The following SRGAP3 variants were observed in gnomAD, a reference collection of about 807,000 sequenced individuals.
SRGAP3 encodes the protein SLIT-ROBO Rho GTPase activating protein 3.
SRGAP3 carries 39 observed loss-of-function variants against 121.1 expected under a neutral mutation model. The observed-to-expected ratio is 0.32, with a 90% CI of 0.25 to 0.42. SRGAP3 has a LOEUF of 0.42. Among genes scored for constraint, SRGAP3 ranks in the 10% least tolerant of loss-of-function variants. The probability of loss-of-function intolerance (pLI) is 1.00; values close to 1 mark genes in which losing one functional copy is unlikely to be tolerated. For synonymous variants in SRGAP3, 601 were observed against 570.0 expected (o/e 1.05, Z -0.77); for missense variants, 1,213 against 1,470.6 (o/e 0.82, Z 2.86).
chr3:9,162,586 T>C (rs954222590), intron 1 of SRGAP3, among the ~76,000 whole-genome samples: 2 of 152,160 alleles, frequency 1.3e-5, no homozygotes, highest in African/African-American at 2.4e-5. Context: ...CCCCGCCAGA[T>C]AAACCACAGT....
chr3:9,086,366 CA>C (rs1947471312), intron 3 of SRGAP3, among the ~76,000 whole-genome samples: 1 of 151,812 alleles, frequency 6.6e-6, no homozygotes, highest in African/African-American at 2.4e-5. Context: ...CTCTATCAAA[CA>C]TACAAAAAAT....
intron 1 of SRGAP3, among the ~76,000 whole-genome samples, chr3:9,204,918 G>A (rs758951099): frequency 2.6e-5 from 4 of 152,360 alleles, no homozygotes; most frequent in Middle Eastern, 3.4e-3. Flanking sequence ...AAGGCTGGAC[G>A]TTACTGGCAG....
chr3:9,045,860 T>C (rs1476647548), intron 10 of SRGAP3, among the ~76,000 whole-genome samples: 1 of 152,150 alleles, frequency 6.6e-6, no homozygotes, highest in African/African-American at 2.4e-5. Flanking sequence ...AATAGCCCCC[T>C]GCCCTGTGCC....
intron 1 of SRGAP3, chr3:9,348,621 A>G (rs1955950038): frequency 2.0e-6 from 2 of 1,001,942 alleles, no homozygotes; most frequent in Non-Finnish European, 1.6e-6. Context: ...CTCAGTGCAG[A>G]AGAGAGTGAT....
chr3:9,072,388 G>A (rs868005510), intron 4 of SRGAP3, among the ~76,000 whole-genome samples: 8 of 152,314 alleles, frequency 5.3e-5, no homozygotes, highest in African/African-American at 1.2e-4. Context: ...GCCACATCTC[G>A]TGGTCTGGAT....
chr3:9,052,221 T>G (rs1945612189), intron 9 of SRGAP3, among the ~76,000 whole-genome samples: 1 of 152,208 alleles, frequency 6.6e-6, no homozygotes, highest in Non-Finnish European at 1.5e-5. Context: ...AACACTGCCA[T>G]GTAGAATTAG....
intron 7 of SRGAP3, among the ~76,000 whole-genome samples, 191 bp downstream of exon 7, chr3:9,058,060 G>A (rs372024009): frequency 1.3e-5 from 2 of 152,164 alleles, no homozygotes; most frequent in African/African-American, 4.8e-5. Flanking sequence ...AATTCTGCAC[G>A]GGGGGCACCT....
intron 1 of SRGAP3, among the ~76,000 whole-genome samples, chr3:9,360,244 G>A (rs2030723418): frequency 6.6e-6 from 1 of 152,110 alleles, no homozygotes; most frequent in African/African-American, 2.4e-5. Flanking sequence ...ACAAGTTTTT[G>A]TTTGAACACT....
chr3:9,258,948 C>T (rs143699763), intron 3 of SRGAP3, among the ~76,000 whole-genome samples: 7 of 152,320 alleles, frequency 4.6e-5, no homozygotes, highest in African/African-American at 1.4e-4. Context: ...CTGCGATGTC[C>T]TCCTCGCACT....
At chr3:9,083,631 G>A (rs1009440218) in intron 3 of SRGAP3, among the ~76,000 whole-genome samples, 3 of 152,164 alleles carry the variant, frequency 2.0e-5, no homozygotes, top group African/African-American at 7.2e-5. Context: ...CTTAGGGATG[G>A]ATATTTACAT....
chr3:9,332,293 T>C (rs1254141780), intron 1 of SRGAP3, among the ~76,000 whole-genome samples: 1 of 152,200 alleles, frequency 6.6e-6, no homozygotes, highest in Non-Finnish European at 1.5e-5. Flanking sequence ...CTAATTTTTG[T>C]ATTTTTAGTA....
At chr3:9,306,548 G>A (rs1302362755) in intron 3 of SRGAP3, among the ~76,000 whole-genome samples, 2 of 152,142 alleles carry the variant, frequency 1.3e-5, no homozygotes, top group African/African-American at 2.4e-5. Context: ...ATGGTTTTAG[G>A]TATAACATTT....
chr3:9,163,804 A>G (rs530292506), intron 1 of SRGAP3, among the ~76,000 whole-genome samples: 1 of 152,028 alleles, frequency 6.6e-6, no homozygotes, highest in Admixed American at 6.5e-5. Flanking sequence ...GGAAACACTG[A>G]CACTCCCAGT....
chr3:9,197,425 G>A (rs969039549), intron 1 of SRGAP3, among the ~76,000 whole-genome samples: 1 of 152,168 alleles, frequency 6.6e-6, no homozygotes, highest in Non-Finnish European at 1.5e-5. Context: ...TTTCTTAATC[G>A]CTCCAGGTCT....
Position 9,131,433 on chromosome 3 carries a change from CT to C in SRGAP3, c.68-6517del, listed in dbSNP as rs869155697. Among the ~76,000 whole-genome samples the C allele has an allele frequency of 9.4e-3, 848 of 90,204 alleles. 7 individuals are homozygous for C. Among genetic ancestry groups the C allele is most frequent in the African/African-American group, 0.033 (764 of 22,944 alleles). The allele number at this position is 90,204 out of a possible 152,430, so 59.2% of individuals were successfully genotyped here. A position where few individuals can be genotyped will look rare whatever the true frequency, so the allele number is the denominator to read the frequency against. On this transcript the variant is annotated intron_variant, in intron 1 of 21. Transcript: ENST00000383836. Reference sequence around the variant, plus strand: ...GCCCAGAGAAGGGGAAGATCTAATTCTTTTTTTTTTTTTTTTTTTTTTTGAG... The same window carrying C: ...GCCCAGAGAAGGGGAAGATCTAATTCTTTTTTTTTTTTTTTTTTTTTTGAG...
At chr3:9,162,414 T>C (rs1560306112) in intron 1 of SRGAP3, among the ~76,000 whole-genome samples, 1 of 152,102 alleles carries the variant, frequency 6.6e-6, no homozygotes, top group East Asian at 1.9e-4. Context: ...CCCCCCAAGA[T>C]AACTGCAAAG....
At chr3:9,155,246 T>C (rs1950375502) in intron 1 of SRGAP3, among the ~76,000 whole-genome samples, 2 of 152,240 alleles carry the variant, frequency 1.3e-5, no homozygotes, top group South Asian at 4.1e-4. Context: ...TTTTGGCAGC[T>C]GGCTGTTGCT....
intron 1 of SRGAP3, among the ~76,000 whole-genome samples, chr3:9,179,750 G>C (rs563983741): frequency 6.6e-6 from 1 of 152,236 alleles, no homozygotes; most frequent in Non-Finnish European, 1.5e-5. Flanking sequence ...TCCACAGAGT[G>C]TTACAGTTTG....
chr3:9,090,542 C>A (rs77414447), intron 3 of SRGAP3, among the ~76,000 whole-genome samples: 2,085 of 152,266 alleles, frequency 0.014, 47 homozygotes, highest in African/African-American at 0.048. Flanking sequence ...ATTTTGTTTT[C>A]AATGCAGGGA....
Sources: gnomAD v4.1 joint callset for allele counts (sites outside exome capture counted in the v4.1 genomes callset) on GRCh38, gnomAD v4.1.1 for gene constraint, MANE v1.5 for transcripts, NCBI Gene and HGNC (gene_info 2026-07-23, HGNC 2026-07-21) for gene names.